The following PIK3C2B variants were observed in gnomAD, a reference collection of about 807,000 sequenced individuals.
PIK3C2B encodes phosphatidylinositol-4-phosphate 3-kinase catalytic subunit type 2 beta, also known as phosphatidylinositol 4-phosphate 3-kinase C2 domain-containing subunit beta.
A neutral mutation model predicts 184.3 loss-of-function variants in PIK3C2B; 83 were observed. The ratio of observed to expected loss-of-function variants is 0.45; its 90% CI spans 0.38 to 0.54. The LOEUF is 0.54. PIK3C2B is among the 20% of genes least tolerant of loss of function. PIK3C2B has a pLI of 0.00. For missense variants in PIK3C2B, 1,736 were observed against 2,113.5 expected (o/e 0.82, Z 3.50); for synonymous variants, 779 against 837.6 (o/e 0.93, Z 1.21).
intron 14 of PIK3C2B, among the ~76,000 whole-genome samples, chr1:204,448,263 C>T (rs1303175899): frequency 2.6e-5 from 4 of 151,956 alleles, no homozygotes; most frequent in East Asian, 1.9e-4. Flanking sequence ...TACAGGCACC[C>T]GCCACCACAC....
intron 29 of PIK3C2B, 49 bp downstream of exon 29, chr1:204,429,872 A>G: frequency 1.6e-6 from 2 of 1,260,218 alleles, no homozygotes; most frequent in Non-Finnish European, 2.3e-6. Flanking sequence ...TGCCTCCCCA[A>G]CCATCCCCAC....
At position 204,454,717 on chromosome 1, in the gene PIK3C2B, C is replaced by A. The variant is rs372110076; in HGVS notation, c.2018G>T (p.Arg673Ile). Residue 673 changes from arginine (R) to isoleucine (I), a missense_variant, in exon 12 of 33, where the codon AGA (arginine) becomes ATA (isoleucine). By Grantham distance (97) the Arg-to-Ile change is moderately conservative (BLOSUM62 -3). This residue lies in a region of PIK3C2B where 609 missense variants were observed against 699.2 expected (regional missense o/e 0.87). Transcript: ENST00000684373. ...GAAGAGGTACTTGGAGAAGTGAGCTCTTCGGGTCTGCAGGGGGCTGCACAG... is the reference window on the plus strand; with the variant it reads ...GAAGAGGTACTTGGAGAAGTGAGCTATTCGGGTCTGCAGGGGGCTGCACAG... ...KELCSPLQTR[R>I]AHFSKYLFHL... The A allele has an allele frequency of 1.2e-6, 2 of 1,613,574 alleles. No individual in the cohort carries two copies. Among genetic ancestry groups the A allele is most frequent in the Non-Finnish European group, 1.7e-6 (2 of 1,179,996 alleles).
chr1:204,434,376 C>G, intron 24 of PIK3C2B, 63 bp downstream of exon 24: 1 of 1,479,272 alleles, frequency 6.8e-7, no homozygotes. Flanking sequence ...TGTCCCAGCT[C>G]TGAACCACTG....
intron 20 of PIK3C2B, among the ~76,000 whole-genome samples, chr1:204,442,229 C>A (rs2271425): frequency 0.89 from 135,864 of 152,216 alleles, 62,290 homozygotes; most frequent in Non-Finnish European, 1. Context: ...CCCATACCCC[C>A]GTCTGTGCCC....
intron 1 of PIK3C2B, among the ~76,000 whole-genome samples, chr1:204,488,369 C>T (rs1293083317): frequency 6.6e-6 from 1 of 152,236 alleles, no homozygotes; most frequent in African/African-American, 2.4e-5. Flanking sequence ...GAGTCCTTCT[C>T]AAACTTTCCT....
intron 1 of PIK3C2B, chr1:204,490,051 T>TTC: frequency 2.5e-6 from 1 of 397,192 alleles, no homozygotes. Flanking sequence ...AACAACTCTC[T>TTC]AATATTAGGC....
At chr1:204,429,296 A>G (rs945029177) in intron 29 of PIK3C2B, among the ~76,000 whole-genome samples, 1 of 152,182 alleles carries the variant, frequency 6.6e-6, no homozygotes, top group African/African-American at 2.4e-5. Flanking sequence ...CATACTCTAA[A>G]TATCTTTCAA....
chr1:204,459,193 T>A (rs547498036), intron 8 of PIK3C2B, among the ~76,000 whole-genome samples: 20 of 152,236 alleles, frequency 1.3e-4, no homozygotes, highest in Admixed American at 4.6e-4. Flanking sequence ...ACTTTTGTAT[T>A]TTTTGTAGAG....
chr1:204,426,549 G>A (rs1044161065), intron 31 of PIK3C2B, among the ~76,000 whole-genome samples: 77 of 152,164 alleles, frequency 5.1e-4, no homozygotes, highest in African/African-American at 1.8e-3. Context: ...TTCCATCCTA[G>A]CATTCCTTCT....
At chr1:204,444,258 G>A in intron 17 of PIK3C2B, 73 bp downstream of exon 17, 1 of 1,462,720 alleles carries the variant, frequency 6.8e-7, no homozygotes. Context: ...GGTTTCTAAG[G>A]GGCAGAATGC....
chr1:204,449,435 G>GT, intron 13 of PIK3C2B, 139 bp from the exon 14 acceptor site: 1 of 671,792 alleles, frequency 1.5e-6, no homozygotes, highest in Middle Eastern at 2.7e-4. Flanking sequence ...GTGGACCATA[G>GT]CCTCTTCCTT....
chr1:204,472,041 T>C (rs1656327291), intron 1 of PIK3C2B, among the ~76,000 whole-genome samples: 1 of 152,178 alleles, frequency 6.6e-6, no homozygotes, highest in African/African-American at 2.4e-5. Context: ...AGCGGTGGTA[T>C]CCTTTTCTCT....
rs978184762 is a variant in PIK3C2B at position 204,422,990 on chromosome 1, A to T, written c.*1862T>A. Reference sequence around the variant, plus strand: ...AAAACGGGGAGTTTCTGATCCTTGGAATTAGGGAGGGACAGTTTACAGAAT... The same window carrying T: ...AAAACGGGGAGTTTCTGATCCTTGGTATTAGGGAGGGACAGTTTACAGAAT... On this transcript the variant is annotated 3_prime_UTR_variant, in exon 33 of 33. Transcript: ENST00000684373. 6.6e-6 allele frequency: 1 copy of T among 152,196 alleles called. No individual in the cohort carries two copies. 9.4% of individuals were successfully genotyped at this position (152,196 alleles called of 1,614,324 possible).
At chr1:204,468,027 C>A (rs904870781) in intron 2 of PIK3C2B, among the ~76,000 whole-genome samples, 1 of 151,960 alleles carries the variant, frequency 6.6e-6, no homozygotes, top group East Asian at 1.9e-4. Context: ...GGGCTTTGAC[C>A]TAGATAGTTC....
At chr1:204,425,802 A>G (rs1674712125) in intron 31 of PIK3C2B, 61 bp from the exon 32 acceptor site, 2 of 1,496,758 alleles carry the variant, frequency 1.3e-6, no homozygotes, top group African/African-American at 1.4e-5. Context: ...CTTCACCACC[A>G]TTCCTGTGAT....
At chr1:204,455,189 G>A (rs576036246) in intron 11 of PIK3C2B, among the ~76,000 whole-genome samples, 77 of 152,356 alleles carry the variant, frequency 5.1e-4, no homozygotes, top group African/African-American at 1.7e-3. Context: ...GCCAACACAC[G>A]GGGGTCCCTG....
intron 19 of PIK3C2B, among the ~76,000 whole-genome samples, chr1:204,443,134 T>C (rs1675765865): frequency 6.6e-6 from 1 of 152,252 alleles, no homozygotes; most frequent in South Asian, 2.1e-4. Flanking sequence ...TTGCCCCTTC[T>C]GGCTGAGTGC....
Position 204,423,923 on chromosome 1 carries a change from CAAATG to C in PIK3C2B, c.*924_*928del, listed in dbSNP as rs1674612670. 1 of 152,500 alleles carries C rather than the reference CAAATG, an allele frequency of 6.6e-6. No homozygotes were observed. Among genetic ancestry groups the C allele is most frequent in the Non-Finnish European group, 1.5e-5 (1 of 68,046 alleles). The allele number at this position is 152,500 out of a possible 1,614,324, so 9.4% of individuals were successfully genotyped here. A position where few individuals can be genotyped will look rare whatever the true frequency, so the allele number is the denominator to read the frequency against. ...AGTCAGTATTTTGTCCCACCAGAGA[CAAATG>C]AAGGGAGAGACCTATGGGGAAGCAC... is the stretch of plus-strand genomic sequence containing the variant. On this transcript the variant is annotated 3_prime_UTR_variant, in exon 33 of 33. Transcript: ENST00000684373.
intron 1 of PIK3C2B, among the ~76,000 whole-genome samples, chr1:204,479,342 C>T (rs1012273386): frequency 1.3e-5 from 2 of 152,030 alleles, no homozygotes; most frequent in Non-Finnish European, 2.9e-5. Context: ...AGGGACTCCT[C>T]CAGCTTTCTT....
Sources: allele counts gnomAD v4.1 joint callset (sites outside exome capture counted in the v4.1 genomes callset), GRCh38; gene constraint gnomAD v4.1.1; regional missense constraint gnomAD v4.1.1; transcripts MANE v1.5; gene names NCBI Gene and HGNC (gene_info 2026-07-23, HGNC 2026-07-21).